The following TAFA1 variants were observed in gnomAD, a reference collection of about 807,000 sequenced individuals.
TAFA1 encodes chemokine-like protein TAFA-1.
TAFA1 carries 4 observed loss-of-function variants against 18.5 expected under a neutral mutation model. The ratio of observed to expected loss-of-function variants is 0.22; its 90% confidence interval spans 0.11 to 0.49. TAFA1 has a LOEUF of 0.49. Among genes scored for constraint, TAFA1 ranks in the 20% least tolerant of loss-of-function variants. The probability of loss-of-function intolerance (pLI) is 0.98; values close to 1 mark genes in which losing one functional copy is unlikely to be tolerated. For missense variants in TAFA1, 147 were observed against 169.0 expected (o/e 0.87, Z 0.72); for synonymous variants, 56 against 55.2 (o/e 1.01, Z -0.06).
intron 2 of TAFA1, among the ~76,000 whole-genome samples, chr3:68,012,485 A>G (rs1427278482): frequency 6.6e-6 from 1 of 152,204 alleles, no homozygotes; most frequent in Non-Finnish European, 1.5e-5. Flanking sequence ...GGAGAAAACA[A>G]GGAACAGAAT....
chr3:68,380,574 G>A (rs867005571), intron 2 of TAFA1, among the ~76,000 whole-genome samples: 3 of 152,160 alleles, frequency 2.0e-5, no homozygotes, highest in African/African-American at 7.2e-5. Context: ...CTTCTTTTGA[G>A]AAGTGTCTGT....
chr3:68,145,331 A>T (rs558951592), intron 2 of TAFA1: 1 of 794,450 alleles, frequency 1.3e-6, no homozygotes, highest in African/African-American at 1.7e-5. Context: ...GGAAGCACTT[A>T]GAGATGCAAC....
chr3:68,388,195 A>C (rs1381159910), intron 2 of TAFA1, among the ~76,000 whole-genome samples: 23 of 152,134 alleles, frequency 1.5e-4, no homozygotes, highest in Non-Finnish European at 1.5e-5. Context: ...AATTTTTACC[A>C]GAGAGTTTTA....
At chr3:68,206,450 T>TA (rs2107054989) in intron 2 of TAFA1, among the ~76,000 whole-genome samples, 1 of 152,010 alleles carries the variant, frequency 6.6e-6, no homozygotes, top group East Asian at 1.9e-4. Flanking sequence ...TCATGTTTTA[T>TA]AAAAAATATA....
chr3:68,272,231 A>G (rs1451175846), intron 2 of TAFA1, among the ~76,000 whole-genome samples: 2 of 152,054 alleles, frequency 1.3e-5, no homozygotes, highest in Admixed American at 1.3e-4. Flanking sequence ...CTGGATCTTC[A>G]TTTAGGGAGG....
intron 2 of TAFA1, among the ~76,000 whole-genome samples, chr3:68,270,190 A>G (rs1197497670): frequency 6.6e-6 from 1 of 152,098 alleles, no homozygotes; most frequent in Non-Finnish European, 1.5e-5. Flanking sequence ...TGATTGCGCC[A>G]CTGGAGCTCC....
intron 3 of TAFA1, among the ~76,000 whole-genome samples, chr3:68,453,497 G>A (rs1348869452): frequency 2.0e-5 from 3 of 152,188 alleles, no homozygotes; most frequent in African/African-American, 7.2e-5. Context: ...ACCACCAGGT[G>A]AGAGGAGGTA....
chr3:68,360,639 G>A (rs546571955), intron 2 of TAFA1, among the ~76,000 whole-genome samples: 1 of 151,878 alleles, frequency 6.6e-6, no homozygotes, highest in Non-Finnish European at 1.5e-5. Context: ...GCCACAGTTA[G>A]TCATTTGAAA....
intron 2 of TAFA1, among the ~76,000 whole-genome samples, chr3:68,208,285 C>T (rs1272752842): frequency 6.6e-6 from 1 of 151,852 alleles, no homozygotes; most frequent in Non-Finnish European, 1.5e-5. Flanking sequence ...TAGAGCTCGT[C>T]GTGTTGATTG....
At chr3:68,358,898 A>G (rs948476686) in intron 2 of TAFA1, among the ~76,000 whole-genome samples, 14 of 121,678 alleles carry the variant, frequency 1.2e-4, no homozygotes, top group African/African-American at 3.9e-4. Context: ...CAGCCTACCT[A>G]AGAAGTTTAA....
intron 2 of TAFA1, among the ~76,000 whole-genome samples, chr3:68,069,085 T>G: frequency 6.6e-6 from 1 of 152,198 alleles, no homozygotes; most frequent in Non-Finnish European, 1.5e-5. Context: ...AACATTGTAA[T>G]GAAGGTGTTG....
At chr3:68,117,318 A>T (rs1268150050) in intron 2 of TAFA1, among the ~76,000 whole-genome samples, 1 of 152,170 alleles carries the variant, frequency 6.6e-6, no homozygotes, top group Non-Finnish European at 1.5e-5. Context: ...ACATACTATG[A>T]GATTTTTTCC....
intron 2 of TAFA1, among the ~76,000 whole-genome samples, chr3:68,359,035 T>G (rs1265807542): frequency 2.6e-5 from 4 of 152,022 alleles, no homozygotes; most frequent in Non-Finnish European, 4.4e-5. Context: ...GTCTTTTCCT[T>G]GCATGAATTT....
intron 3 of TAFA1, among the ~76,000 whole-genome samples, chr3:68,487,564 G>C (rs1197547726): frequency 6.6e-6 from 1 of 151,782 alleles, no homozygotes; most frequent in Non-Finnish European, 1.5e-5. Context: ...TGGCTAACAC[G>C]GTGAAACCCT....
intron 2 of TAFA1, among the ~76,000 whole-genome samples, chr3:68,070,949 T>A (rs1333472478): frequency 1.3e-5 from 2 of 152,234 alleles, no homozygotes; most frequent in East Asian, 3.9e-4. Context: ...ATTCAACAAG[T>A]CTCTAGGGAG....
chr3:68,060,458 T>C (rs1216211454), intron 2 of TAFA1, among the ~76,000 whole-genome samples: 3 of 152,286 alleles, frequency 2.0e-5, no homozygotes, highest in Admixed American at 2.0e-4. Context: ...GAACATTGTT[T>C]TAGGCCATAA....
At chr3:68,313,981 C>A (rs1249367671) in intron 2 of TAFA1, among the ~76,000 whole-genome samples, 7 of 152,030 alleles carry the variant, frequency 4.6e-5, no homozygotes, top group Non-Finnish European at 4.4e-5. Context: ...AAAAAGGAAT[C>A]CTTTTTTTTC....
chr3:68,146,878 T>C (rs992439456), intron 2 of TAFA1, among the ~76,000 whole-genome samples: 2 of 152,142 alleles, frequency 1.3e-5, no homozygotes, highest in Non-Finnish European at 2.9e-5. Flanking sequence ...GTGGTAAGCC[T>C]ACCTTTATAC....
intron 2 of TAFA1, among the ~76,000 whole-genome samples, chr3:68,247,074 A>C (rs1288193964): frequency 7.7e-6 from 1 of 130,114 alleles, no homozygotes; most frequent in Non-Finnish European, 1.7e-5. Context: ...ACATCGATGT[A>C]TTATTATTAA....
Sources: gnomAD v4.1 joint callset for allele counts (sites outside exome capture counted in the v4.1 genomes callset) on GRCh38, gnomAD v4.1.1 for gene constraint, MANE v1.5 for transcripts, NCBI Gene and HGNC (gene_info 2026-07-23, HGNC 2026-07-21) for gene names.